Variants in PPM1G observed in about 807,000 individuals in gnomAD.
PPM1G encodes the protein protein phosphatase, Mg2+/Mn2+ dependent 1G.
Under a neutral mutation model 59.4 loss-of-function variants are expected in PPM1G, and 12 were observed. The ratio of observed to expected loss-of-function variants is 0.20; its 90% CI spans 0.13 to 0.33. The LOEUF (loss-of-function observed/expected upper bound fraction) is 0.33, where lower values mean the gene tolerates loss of function less well. Among genes scored for constraint, PPM1G ranks in the 10% least tolerant of loss-of-function variants. PPM1G has a pLI of 1.00. For synonymous variants in PPM1G, 245 were observed against 251.9 expected (o/e 0.97, Z 0.26); for missense variants, 392 against 681.3 (o/e 0.58, Z 4.73).
chr2:27,405,640 C>T (rs1472840114), intron 1 of PPM1G, among the ~76,000 whole-genome samples: 2 of 151,860 alleles, frequency 1.3e-5, no homozygotes, highest in African/African-American at 4.8e-5. Context: ...GTGATCTGCC[C>T]CCCTCGGCCT....
intron 1 of PPM1G, among the ~76,000 whole-genome samples, chr2:27,391,395 T>C (rs1683898489): frequency 6.6e-6 from 1 of 152,218 alleles, no homozygotes; most frequent in South Asian, 2.1e-4. Context: ...TGTGAGATGG[T>C]ATCTCTTTGT....
chr2:27,408,377 C>G (rs1445768089), intron 1 of PPM1G, among the ~76,000 whole-genome samples: 2 of 152,122 alleles, frequency 1.3e-5, no homozygotes, highest in Non-Finnish European at 2.9e-5. Context: ...ACGGTTAACC[C>G]GTCTTCCTCC....
chr2:27,392,069 G>A (rs1572663875), intron 1 of PPM1G, among the ~76,000 whole-genome samples: 1 of 149,534 alleles, frequency 6.7e-6, no homozygotes, highest in African/African-American at 2.5e-5. Flanking sequence ...CTTAACACAT[G>A]TAATCAGGAA....
chr2:27,390,407 C>T (rs911880442), intron 1 of PPM1G, among the ~76,000 whole-genome samples: 1 of 152,284 alleles, frequency 6.6e-6, no homozygotes, highest in Non-Finnish European at 1.5e-5. Flanking sequence ...TCTTACTACA[C>T]AGAGAATGTA....
intron 1 of PPM1G, among the ~76,000 whole-genome samples, chr2:27,399,482 G>A (rs1247396850): frequency 1.3e-5 from 2 of 152,196 alleles, no homozygotes; most frequent in South Asian, 2.1e-4. Flanking sequence ...ACACCAGCCT[G>A]AACAACATGG....
rs1226175449 is a variant in PPM1G, at chr2:27,382,762, A to G, written c.1202-157T>C. ...CTAAGTCCTAGTTTTTCTAGTTTCA[A>G]CCCTGCCACCAGACTGCTGAACCTT... On this transcript the variant is annotated intron_variant, in intron 7 of 9. Transcript: ENST00000344034. This position sits in a 1 kb window ranked among gnomAD's most constrained non-coding sequence, Gnocchi z 4.2. 6.6e-6 allele frequency among the ~76,000 whole-genome samples: 1 copy of G among 151,648 alleles called. No homozygotes were observed. The highest frequency in any genetic ancestry group is 1.5e-5 in the Non-Finnish European group (1 of 67,954).
chr2:27,401,694 C>T (rs1186294072), intron 1 of PPM1G, among the ~76,000 whole-genome samples: 1 of 152,000 alleles, frequency 6.6e-6, no homozygotes, highest in African/African-American at 2.4e-5. Context: ...GGTGTGGTGG[C>T]GTGAGCCTGT....
Position 27,393,794 on chromosome 2 carries a change from ACT to A in PPM1G, c.121-6638_121-6637del, listed in dbSNP as rs566461842. 5.8e-3 allele frequency among the ~76,000 whole-genome samples: 882 copies of A among 151,514 alleles called. 5 individuals are homozygous for A. The highest frequency in any genetic ancestry group is 0.02 in the African/African-American group (841 of 41,258). On this transcript the variant is annotated intron_variant, in intron 1 of 9. Coordinates refer to ENST00000344034, the MANE Select transcript of PPM1G (RefSeq NM_177983.3). ...TTTATTTTTTTAGAGACAGAGTCTC[ACT>A]CTGTCGTCCAGGCTGGACTGAAGCG...
chr2:27,397,741 T>C (rs1033348927), intron 1 of PPM1G, among the ~76,000 whole-genome samples: 2 of 152,152 alleles, frequency 1.3e-5, no homozygotes, highest in Non-Finnish European at 1.5e-5. Context: ...TGGTGGTGCA[T>C]GCATGTAATC....
Position 27,384,924 on chromosome 2 carries a change from G to A in PPM1G, c.574C>T (p.Pro192Ser). The A allele has an allele frequency of 6.2e-7, 1 of 1,614,192 alleles. No individual in the cohort carries two copies. Among genetic ancestry groups the A allele is most frequent in the Non-Finnish European group, 8.5e-7 (1 of 1,180,034 alleles). ...GGAGTTTCCCTAGTTGAGTCCTCAG[G>A]TCCTGCCTCCCCATTGAGGCCCTGG... ...GSQGLNGEAG[P>S]EDSTRETPSQ... Residue 192 changes from proline (P) to serine (S), a missense_variant, in exon 5 of 10, where the codon CCT becomes TCT. Physicochemically the swap from Pro to Ser is moderately conservative, Grantham distance 74. Coordinates refer to ENST00000344034, the MANE Select transcript of PPM1G (RefSeq NM_177983.3). This position sits in a 1 kb window ranked among gnomAD's most constrained non-coding sequence, Gnocchi z 4.8.
At chr2:27,386,453 G>A (rs906024302) in intron 2 of PPM1G, 174 bp from the exon 3 acceptor site, 3 of 468,850 alleles carry the variant, frequency 6.4e-6, no homozygotes, top group African/African-American at 5.8e-5. Flanking sequence ...CCAAAAAAAT[G>A]GATTTCACCA....
At position 27,386,187 on chromosome 2, in the gene PPM1G, G is replaced by C. The variant is rs752804782; in HGVS notation, c.276+7C>G. On this transcript the variant is annotated splice_region_variant and intron_variant, in intron 3 of 9. Coordinates refer to ENST00000344034, the MANE Select transcript of PPM1G (RefSeq NM_177983.3). ...AAGTGAGGAATGGGCGGTGTAAGCA[G>C]ACAGACCTTCTGTAGCTTGCCTTCC... The C allele has an allele frequency of 1.9e-5, 30 of 1,608,222 alleles. No homozygotes were observed. In the South Asian group the frequency reaches 3.0e-4, roughly 16 times the overall value.
intron 1 of PPM1G, chr2:27,393,407 G>T: frequency 1.6e-6 from 2 of 1,275,270 alleles, no homozygotes; most frequent in Non-Finnish European, 2.2e-6. Context: ...GGCAGTGGTG[G>T]CTACGCGGCG....
At chr2:27,398,078 T>G (rs755774752) in intron 1 of PPM1G, among the ~76,000 whole-genome samples, 3 of 152,158 alleles carry the variant, frequency 2.0e-5, no homozygotes, top group Non-Finnish European at 4.4e-5. Context: ...AAAATTTAGA[T>G]GAAAAACAAA....
Position 27,381,975 on chromosome 2 carries a change from G to A in PPM1G, c.1434+151C>T, listed in dbSNP as rs1194703331. 3.0e-6 allele frequency: 3 copies of A among 1,001,994 alleles called. No homozygotes were observed. In the East Asian group the frequency reaches 7.6e-5, roughly 25 times the overall value. The allele number at this position is 1,001,994 out of a possible 1,614,324, so 62.1% of individuals were successfully genotyped here. The stretch of plus-strand genomic sequence containing the variant: ...CCATAAGGCATAAGGCTAAGTCAGG[G>A]AAATGACAGAAGGTGGAACTTTGGA... On this transcript the variant is annotated intron_variant, in intron 9 of 9. Transcript: ENST00000344034.
intron 1 of PPM1G, among the ~76,000 whole-genome samples, chr2:27,406,063 T>C (rs77349073): frequency 0.011 from 1,722 of 152,178 alleles, 38 homozygotes; most frequent in African/African-American, 0.039. Context: ...GAAGAGAAGC[T>C]TGAAACAGGC....
chr2:27,382,094 A>AGAC lies in PPM1G; in HGVS notation c.1434+29_1434+31dup. 1 of 1,589,734 alleles carries AGAC rather than the reference A, an allele frequency of 6.3e-7. No homozygotes were observed. Among genetic ancestry groups the AGAC allele is most frequent in the Non-Finnish European group, 8.6e-7 (1 of 1,158,142 alleles). ...AGAGTGAACCCTGGCTGTGCAGACC[A>AGAC]GACACCCTCTCTTCTCCACCCTGGT... On this transcript the variant is annotated intron_variant, in intron 9 of 9. Transcript: ENST00000344034. This position sits in a 1 kb window ranked among gnomAD's most constrained non-coding sequence, Gnocchi z 4.2.
At chr2:27,402,788 CAGTGTAAGACTCCATCTCAATA>C (rs1216189328) in intron 1 of PPM1G, among the ~76,000 whole-genome samples, 9 of 150,634 alleles carry the variant, frequency 6.0e-5, no homozygotes, top group African/African-American at 2.2e-4. Flanking sequence ...GCCTGGGTGA[CAGTGTAAGACTCCATCTCAATA>C]AATAAATAAA....
Position 27,384,607 on chromosome 2 carries a change from T to C in PPM1G, c.825+66A>G. 6.6e-7 allele frequency: 1 copy of C among 1,519,916 alleles called. No homozygotes were observed. The allele number at this position is 1,519,916 out of a possible 1,614,324, so 94.2% of individuals were successfully genotyped here. The stretch of plus-strand genomic sequence containing the variant: ...AGGAGAAGGAAAGAGAGTTGAAAAC[T>C]ACAGACGGCAACCAAACAGGACCTC... On this transcript the variant is annotated intron_variant, in intron 5 of 9. Coordinates refer to ENST00000344034, the MANE Select transcript of PPM1G (RefSeq NM_177983.3). The surrounding 1 kb of genome is among the most constrained non-coding windows in gnomAD (Gnocchi z 4.8).
Sources: allele counts gnomAD v4.1 joint callset (sites outside exome capture counted in the v4.1 genomes callset), GRCh38; gene constraint gnomAD v4.1.1; non-coding constraint Gnocchi (gnomAD v3.1); transcripts MANE v1.5; gene names NCBI Gene and HGNC (gene_info 2026-07-23, HGNC 2026-07-21).